PXDNL: variants seen among roughly 807,000 people sequenced by gnomAD.
The protein encoded by PXDNL is peroxidasin like, also known as probable oxidoreductase PXDNL.
In PXDNL, 145 loss-of-function variants were observed where a neutral mutation model predicts 150.8. That is an observed-to-expected ratio of 0.96 (90% CI 0.84 to 1.10). The LOEUF is 1.10. Among genes scored for constraint, PXDNL ranks in the 50% least tolerant of loss-of-function variants. The pLI is 0.00. For synonymous variants in PXDNL, 757 were observed against 725.7 expected, an observed-to-expected ratio of 1.04 and a Z score of -0.69; for missense variants, 2,087 against 1,873.9, an observed-to-expected ratio of 1.11 and a Z score of -2.10.
intron 17 of PXDNL, among the ~76,000 whole-genome samples, chr8:51,384,850 C>A (rs1007008145): frequency 6.6e-6 from 1 of 151,420 alleles, no homozygotes; most frequent in Non-Finnish European, 1.5e-5. Flanking sequence ...GAATATAGAA[C>A]TCTGTAATTA....
At chr8:51,350,259 G>A (rs1183068126) in intron 19 of PXDNL, among the ~76,000 whole-genome samples, 1 of 151,962 alleles carries the variant, frequency 6.6e-6, no homozygotes, top group Non-Finnish European at 1.5e-5. Flanking sequence ...GATTCGCATA[G>A]GGCCCAGGGG....
At chr8:51,545,022 AG>A (rs1356682839) in intron 4 of PXDNL, among the ~76,000 whole-genome samples, 1 of 152,230 alleles carries the variant, frequency 6.6e-6, no homozygotes, top group Non-Finnish European at 1.5e-5. Flanking sequence ...TAAGGATTAT[AG>A]ATTACATGTT....
intron 1 of PXDNL, among the ~76,000 whole-genome samples, chr8:51,714,345 C>G (rs1232574623): frequency 6.6e-6 from 1 of 152,154 alleles, no homozygotes; most frequent in African/African-American, 2.4e-5. Context: ...CGCTATTATC[C>G]ACCATCTTCA....
intron 1 of PXDNL, among the ~76,000 whole-genome samples, chr8:51,780,227 C>A (rs2037397339): frequency 6.6e-6 from 1 of 152,030 alleles, no homozygotes; most frequent in Non-Finnish European, 1.5e-5. Flanking sequence ...AAAAGAAGTG[C>A]AGAGCCTCAG....
At chr8:51,489,734 A>G (rs919170672) in intron 5 of PXDNL, among the ~76,000 whole-genome samples, 1 of 152,360 alleles carries the variant, frequency 6.6e-6, no homozygotes, top group East Asian at 1.9e-4. Flanking sequence ...ATCAAGGGAA[A>G]CTTCTTGAAC....
chr8:51,370,398 A>C (rs1301949331), intron 19 of PXDNL, among the ~76,000 whole-genome samples: 2 of 152,190 alleles, frequency 1.3e-5, no homozygotes, highest in African/African-American at 4.8e-5. Flanking sequence ...TTGGAGAAGA[A>C]GCAAAGGAGT....
intron 1 of PXDNL, among the ~76,000 whole-genome samples, chr8:51,780,654 C>CTTTTTTTTTTTTTTTTTTTTTTTTTTTT (rs71237240): frequency 8.0e-5 from 6 of 75,180 alleles, no homozygotes; most frequent in East Asian, 3.7e-4. Context: ...CTTTTCTTTT[C>CTTTTTTTTTTTTTTTTTTTTTTTTTTTT]TTTTTTTTTT....
intron 4 of PXDNL, among the ~76,000 whole-genome samples, chr8:51,514,849 G>C (rs1255441665): frequency 6.6e-6 from 1 of 152,180 alleles, no homozygotes; most frequent in Non-Finnish European, 1.5e-5. Context: ...TTGAAGAAAA[G>C]AGGCATTTGA....
chr8:51,783,316 G>A (rs145266411), intron 1 of PXDNL, among the ~76,000 whole-genome samples: 90 of 152,236 alleles, frequency 5.9e-4, no homozygotes, highest in African/African-American at 2.2e-3. Flanking sequence ...TGCAACTACT[G>A]GACACTGCAG....
intron 8 of PXDNL, among the ~76,000 whole-genome samples, chr8:51,470,180 C>A (rs1235345784): frequency 1.3e-5 from 2 of 151,970 alleles, no homozygotes; most frequent in Non-Finnish European, 2.9e-5. Context: ...TGCACTTGAG[C>A]AATCTAAAGA....
At chr8:51,417,882 G>A (rs983336467) in intron 14 of PXDNL, among the ~76,000 whole-genome samples, 12 of 152,074 alleles carry the variant, frequency 7.9e-5, no homozygotes, top group Admixed American at 4.6e-4. Flanking sequence ...TCATTGCCCT[G>A]GAGAGCTCCA....
chr8:51,788,052 T>C (rs143829768), intron 1 of PXDNL, among the ~76,000 whole-genome samples: 45 of 152,342 alleles, frequency 3.0e-4, no homozygotes, highest in African/African-American at 1.1e-3. Flanking sequence ...AATTAAGCTG[T>C]GTTCATTTTT....
At chr8:51,403,234 T>A (rs893518554) in intron 17 of PXDNL, among the ~76,000 whole-genome samples, 2 of 152,302 alleles carry the variant, frequency 1.3e-5, no homozygotes, top group South Asian at 4.1e-4. Flanking sequence ...AAAACACTTT[T>A]GACCAAGAAA....
intron 1 of PXDNL, among the ~76,000 whole-genome samples, chr8:51,713,333 T>C (rs1816538343): frequency 6.6e-6 from 1 of 152,254 alleles, no homozygotes; most frequent in South Asian, 2.1e-4. Flanking sequence ...CTTTTTTAAA[T>C]AAAGGAACTT....
chr8:51,341,172 A>G (rs1043461399), intron 20 of PXDNL, among the ~76,000 whole-genome samples: 1 of 152,210 alleles, frequency 6.6e-6, no homozygotes, highest in African/African-American at 2.4e-5. Context: ...TCAAAGCAGA[A>G]CAGTTGGCAA....
intron 5 of PXDNL, among the ~76,000 whole-genome samples, chr8:51,495,675 T>C (rs982340954): frequency 1.3e-5 from 2 of 151,720 alleles, no homozygotes; most frequent in African/African-American, 4.8e-5. Context: ...AACTAGAAAA[T>C]CTAGAAGAAA....
intron 9 of PXDNL, among the ~76,000 whole-genome samples, chr8:51,455,848 T>C (rs979780794): frequency 6.6e-6 from 1 of 152,152 alleles, no homozygotes; most frequent in Non-Finnish European, 1.5e-5. Context: ...GCTATGATCA[T>C]GCCACTGCAC....
intron 2 of PXDNL, among the ~76,000 whole-genome samples, chr8:51,652,454 C>CACACAA (rs1815061869): frequency 6.6e-6 from 1 of 151,242 alleles, no homozygotes; most frequent in Non-Finnish European, 1.5e-5. Flanking sequence ...CACACACACA[C>CACACAA]ACACACAAAC....
intron 4 of PXDNL, among the ~76,000 whole-genome samples, chr8:51,511,041 C>T (rs1332422283): frequency 1.3e-5 from 2 of 152,108 alleles, no homozygotes; most frequent in Non-Finnish European, 2.9e-5. Context: ...GGCAGCGGGT[C>T]TCATGTGAAG....
Sources: gnomAD v4.1 joint callset for allele counts (sites outside exome capture counted in the v4.1 genomes callset) on GRCh38, gnomAD v4.1.1 for gene constraint, MANE v1.5 for transcripts, NCBI Gene and HGNC (gene_info 2026-07-23, HGNC 2026-07-21) for gene names.